ATF7IP: variants seen among roughly 807,000 people sequenced by gnomAD.
ATF7IP encodes activating transcription factor 7 interacting protein, also known as activating transcription factor 7-interacting protein 1.
Under a neutral mutation model 106.4 loss-of-function variants are expected in ATF7IP, and 23 were observed. That is an observed-to-expected ratio of 0.22 (90% CI 0.16 to 0.31). The LOEUF (loss-of-function observed/expected upper bound fraction) is 0.31, where lower values mean the gene tolerates loss of function less well. Ranked by LOEUF, ATF7IP falls within the 10% of genes least tolerant of loss-of-function variation. ATF7IP has a pLI of 1.00. For synonymous variants in ATF7IP, 542 were observed against 539.0 expected (o/e 1.01, Z -0.08); for missense variants, 1,334 against 1,524.3 (o/e 0.88, Z 2.08).
intron 9 of ATF7IP, among the ~76,000 whole-genome samples, chr12:14,465,844 A>T (rs553961149): frequency 6.6e-6 from 1 of 152,292 alleles, no homozygotes; most frequent in Non-Finnish European, 1.5e-5. Flanking sequence ...GAAAGAAAGG[A>T]TGGGCTGTTT....
intron 2 of ATF7IP, among the ~76,000 whole-genome samples, chr12:14,428,401 A>C (rs536567296): frequency 3.8e-4 from 58 of 152,116 alleles, no homozygotes; most frequent in Non-Finnish European, 7.6e-4. Flanking sequence ...CTCATAACTA[A>C]ACTTTTATTT....
chr12:14,416,002 A>G (rs1016212342), intron 1 of ATF7IP, among the ~76,000 whole-genome samples: 1 of 152,192 alleles, frequency 6.6e-6, no homozygotes, highest in African/African-American at 2.4e-5. Context: ...CAAAATCTTT[A>G]TACTAAATTT....
chr12:14,453,632 T>C (rs1218182160), intron 6 of ATF7IP, among the ~76,000 whole-genome samples: 2 of 152,074 alleles, frequency 1.3e-5, no homozygotes, highest in Admixed American at 6.5e-5. Flanking sequence ...TGAGTATCTT[T>C]TTTTTTTTTG....
In ATF7IP at chr12:14,422,814, G is replaced by C. The variant is rs79544482; in HGVS notation, c.-7-1095G>C. On this transcript the variant is annotated intron_variant, in intron 1 of 14. Coordinates refer to ENST00000261168, the MANE Select transcript of ATF7IP (RefSeq NM_018179.5). ...CATTCATCAGTTATGGAACATTTAG[G>C]TTGTTTCCAGTTTTGGGCCATTATG... is the stretch of plus-strand genomic sequence containing the variant. 8.9e-3 allele frequency among the ~76,000 whole-genome samples: 1,357 copies of C among 152,208 alleles called. 13 individuals are homozygous for C. The highest frequency in any genetic ancestry group is 0.026 in the African/African-American group (1,086 of 41,520).
intron 1 of ATF7IP, among the ~76,000 whole-genome samples, chr12:14,403,839 G>A (rs1274631431): frequency 6.6e-6 from 1 of 151,936 alleles, no homozygotes. Context: ...TTTTCATGTG[G>A]CAGAGAGCCA....
At chr12:14,473,586 C>A (rs35125426) in intron 10 of ATF7IP, among the ~76,000 whole-genome samples, 3,002 of 152,074 alleles carry the variant, frequency 0.02, 32 homozygotes, top group Middle Eastern at 0.031. Flanking sequence ...TAGATATAGT[C>A]TTTAATATTT....
intron 1 of ATF7IP, among the ~76,000 whole-genome samples, chr12:14,419,588 T>G (rs925455100): frequency 6.6e-6 from 1 of 152,082 alleles, no homozygotes; most frequent in Non-Finnish European, 1.5e-5. Flanking sequence ...TTGGAATTAG[T>G]AAGGAAAAGT....
chr12:14,486,700 T>C (rs938174619), intron 13 of ATF7IP, among the ~76,000 whole-genome samples: 8 of 152,232 alleles, frequency 5.3e-5, no homozygotes, highest in African/African-American at 1.9e-4. Context: ...ACTGCCACTT[T>C]GCCTCTGCTG....
intron 7 of ATF7IP, 143 bp from the exon 8 acceptor site, chr12:14,457,064 C>T: frequency 1.5e-6 from 1 of 684,006 alleles, no homozygotes; most frequent in Non-Finnish European, 2.5e-6. Flanking sequence ...CTATGCCTCA[C>T]TGTTTTTGCT....
chr12:14,497,656 G>A lies in ATF7IP; in HGVS notation c.3396G>A (p.Glu1132=), dbSNP rs1458918638. 6.2e-7 allele frequency: 1 copy of A among 1,609,238 alleles called. No homozygotes were observed. Residue 1132 remains glutamate, a splice_region_variant and synonymous_variant, in exon 15 of 15, where the codon GAG becomes GAA. Coordinates refer to ENST00000261168, the MANE Select transcript of ATF7IP (RefSeq NM_018179.5). ...ATCAGTGTGACCTGTTTCTTCAGGA[G>A]CCCCCACGCCCCGTGCACCCAGCAC... ...VHHRPPQVHT[E]PPRPVHPAPL...
chr12:14,496,737 T>A (rs1443341101), intron 14 of ATF7IP, among the ~76,000 whole-genome samples: 2 of 152,216 alleles, frequency 1.3e-5, no homozygotes, highest in Non-Finnish European at 2.9e-5. Context: ...TTCTAAAGAA[T>A]CCAATGATAT....
At chr12:14,433,055 T>G (rs1942219751) in intron 2 of ATF7IP, among the ~76,000 whole-genome samples, 1 of 152,172 alleles carries the variant, frequency 6.6e-6, no homozygotes, top group Admixed American at 6.5e-5. Flanking sequence ...AGTTGTTACA[T>G]TTTATATGAC....
chr12:14,396,649 A>G (rs1425596530), intron 1 of ATF7IP, among the ~76,000 whole-genome samples: 2 of 152,168 alleles, frequency 1.3e-5, no homozygotes, highest in Non-Finnish European at 2.9e-5. Context: ...AAGTTTTTCA[A>G]ACTTCTCTTG....
chr12:14,452,677 A>G (rs1006441122), intron 6 of ATF7IP, among the ~76,000 whole-genome samples: 2 of 152,116 alleles, frequency 1.3e-5, no homozygotes, highest in African/African-American at 4.8e-5. Context: ...TATGTTGTGT[A>G]TCTGTTAACA....
At chr12:14,481,206 A>G (rs1211185412) in intron 13 of ATF7IP, 21 bp downstream of exon 13, 16 of 1,611,620 alleles carry the variant, frequency 9.9e-6, no homozygotes, top group South Asian at 2.2e-5. Context: ...TTTCTTGTAT[A>G]TGGCCCCAAG....
In ATF7IP at chr12:14,425,003, G is replaced by T. The variant is rs530346321; in HGVS notation, c.1088G>T (p.Arg363Leu). 6.2e-7 allele frequency: 1 copy of T among 1,611,282 alleles called. No individual in the cohort carries two copies. Among genetic ancestry groups the T allele is most frequent in the Non-Finnish European group, 8.5e-7 (1 of 1,179,338 alleles). ...GATGATACAACTATTTGTTCAGATC[G>T]ACCTCCTGAAAATGAAAAGAAGGTA... is the stretch of plus-strand genomic sequence containing the variant. ...ETDDTTICSD[R>L]PPENEKKVEE... The change falls in exon 2 of 15, where the codon CGA (arginine) becomes CTA (leucine). Residue 363 changes from arginine (R) to leucine (L), a missense_variant. By Grantham distance (102) the Arg-to-Leu change is moderately radical. This residue lies in a region of ATF7IP where 438 missense variants were observed against 405.3 expected (regional missense o/e 1.08). Coordinates refer to ENST00000261168, the MANE Select transcript of ATF7IP (RefSeq NM_018179.5).
intron 3 of ATF7IP, among the ~76,000 whole-genome samples, chr12:14,435,527 TAAGTG>T (rs1341674736): frequency 6.6e-6 from 1 of 152,240 alleles, no homozygotes; most frequent in Non-Finnish European, 1.5e-5. Context: ...ACAGATTTTC[TAAGTG>T]AAGTCTTCTA....
At chr12:14,487,134 T>TA (rs916124739) in intron 13 of ATF7IP, among the ~76,000 whole-genome samples, 1 of 151,796 alleles carries the variant, frequency 6.6e-6, no homozygotes, top group Admixed American at 6.6e-5. Context: ...CCTTTTTTTT[T>TA]AACTCCCTGA....
chr12:14,385,520 T>C, intron 1 of ATF7IP: 1 of 859,492 alleles, frequency 1.2e-6, no homozygotes, highest in Non-Finnish European at 1.8e-6. Context: ...AGTTGAAATG[T>C]TTGGTAGAAC....
Sources: gnomAD v4.1 joint callset for allele counts (sites outside exome capture counted in the v4.1 genomes callset) on GRCh38, gnomAD v4.1.1 for gene constraint, gnomAD v4.1.1 regional missense constraint, MANE v1.5 for transcripts, NCBI Gene and HGNC (gene_info 2026-07-23, HGNC 2026-07-21) for gene names.